Variants in NREP observed in about 807,000 individuals in gnomAD.
NREP encodes the protein neuronal regeneration related protein, also known as neuronal regeneration-related protein.
In NREP, 5 loss-of-function variants were observed where a neutral mutation model predicts 8.6. The observed-to-expected ratio is 0.58, with a 90% confidence interval of 0.30 to 1.22. NREP has a LOEUF of 1.22. Among genes scored for constraint, NREP ranks in the 50% most tolerant of loss-of-function variants. The probability of loss-of-function intolerance (pLI) is 0.07; values close to 1 mark genes in which losing one functional copy is unlikely to be tolerated. For missense variants in NREP, 86 were observed against 82.5 expected (o/e 1.04, Z -0.17); for synonymous variants, 27 against 28.0 (o/e 0.96, Z 0.11).
chr5:111,912,776 A>G (rs1754948692), intron 2 of NREP: 1 of 152,136 alleles, frequency 6.6e-6, no homozygotes, highest in Non-Finnish European at 1.5e-5. Context: ...TACCCAGTCC[A>G]GCCTTCTGCA....
At chr5:111,970,548 G>A (rs552111848) in intron 2 of NREP, among the ~76,000 whole-genome samples, 1 of 152,012 alleles carries the variant, frequency 6.6e-6, no homozygotes, top group Non-Finnish European at 1.5e-5. Flanking sequence ...TTACTGGGTC[G>A]GGCGTGGTGG....
At position 111,770,297 on chromosome 5, in the gene NREP, A is replaced by G. The variant is rs1284310480; in HGVS notation, c.136-34790T>C. Among the ~76,000 whole-genome samples, 8 of 148,084 alleles carry G rather than the reference A, an allele frequency of 5.4e-5. No homozygotes were observed. In the South Asian group the frequency reaches 1.0e-3, roughly 19 times the overall value. ...TGTTCAAGATATTGAGGTTTTATTGACTATTTCATAAATTAAATCAATATT... is the reference window on the plus strand; with the variant it reads ...TGTTCAAGATATTGAGGTTTTATTGGCTATTTCATAAATTAAATCAATATT... On this transcript the variant is annotated intron_variant, in intron 2 of 3. Coordinates refer to the NREP transcript ENST00000395634.
At chr5:111,743,662 G>T (rs984418753) in intron 2 of NREP, among the ~76,000 whole-genome samples, 18 of 152,146 alleles carry the variant, frequency 1.2e-4, no homozygotes, top group Non-Finnish European at 2.5e-4. Context: ...CCACAATTGA[G>T]AGTAAAAGCT....
chr5:111,745,575 C>G (rs1411019768), intron 2 of NREP, among the ~76,000 whole-genome samples: 2 of 152,114 alleles, frequency 1.3e-5, no homozygotes, highest in African/African-American at 4.8e-5. Context: ...TACCAATGGA[C>G]AATCTAATTC....
chr5:111,963,923 T>C (rs529689380), intron 2 of NREP, among the ~76,000 whole-genome samples: 2 of 152,342 alleles, frequency 1.3e-5, no homozygotes, highest in East Asian at 1.9e-4. Context: ...AAAAATTCTA[T>C]TGAAGTAATA....
At chr5:111,784,797 A>T (rs1024069432) in intron 2 of NREP, among the ~76,000 whole-genome samples, 28 of 152,196 alleles carry the variant, frequency 1.8e-4, no homozygotes, top group African/African-American at 6.5e-4. Flanking sequence ...ATGGATATTT[A>T]AAAACAGCAT....
At chr5:111,763,804 TTG>T (rs1254084206) in intron 2 of NREP, among the ~76,000 whole-genome samples, 1 of 152,248 alleles carries the variant, frequency 6.6e-6, no homozygotes, top group Non-Finnish European at 1.5e-5. Context: ...GCATGCTTAT[TTG>T]TGTTAACGAA....
intron 2 of NREP, among the ~76,000 whole-genome samples, chr5:111,846,940 C>A (rs11742651): frequency 0.048 from 7,315 of 152,110 alleles, 222 homozygotes; most frequent in Non-Finnish European, 0.065. Flanking sequence ...ATCAATCTAA[C>A]GTTTCATTAT....
chr5:111,744,145 C>A (rs551528183), intron 2 of NREP, among the ~76,000 whole-genome samples: 1 of 152,106 alleles, frequency 6.6e-6, no homozygotes, highest in Non-Finnish European at 1.5e-5. Flanking sequence ...CATTTTCCCC[C>A]GAAGTGCTCA....
intron 2 of NREP, among the ~76,000 whole-genome samples, chr5:111,816,643 A>G (rs1295085600): frequency 6.6e-6 from 1 of 151,902 alleles, no homozygotes; most frequent in Admixed American, 6.6e-5. Flanking sequence ...TAAGGGCATA[A>G]TAGAACACGA....
chr5:111,826,279 A>G (rs1402861346), intron 2 of NREP, among the ~76,000 whole-genome samples: 1 of 152,216 alleles, frequency 6.6e-6, no homozygotes, highest in Non-Finnish European at 1.5e-5. Flanking sequence ...TAATGGACCA[A>G]TCAGCAGGAT....
intron 2 of NREP, among the ~76,000 whole-genome samples, chr5:111,963,951 G>A (rs970666677): frequency 6.6e-6 from 1 of 152,144 alleles, no homozygotes; most frequent in African/African-American, 2.4e-5. Flanking sequence ...GCACATAGAA[G>A]AGCAATTAAA....
At chr5:111,829,217 C>T (rs944901650) in intron 2 of NREP, among the ~76,000 whole-genome samples, 9 of 152,246 alleles carry the variant, frequency 5.9e-5, no homozygotes, top group Admixed American at 1.3e-4. Flanking sequence ...CATTAAGCGG[C>T]ATGCTAAGGA....
At chr5:111,759,684 A>G (rs966793474), upstream of NREP, among the ~76,000 whole-genome samples, 17 of 152,186 alleles carry the variant, frequency 1.1e-4, no homozygotes, top group African/African-American at 4.1e-4. Flanking sequence ...TCCAAGAAAC[A>G]TTCTTGAGTC....
chr5:111,923,335 A>G (rs1755298311), intron 2 of NREP, among the ~76,000 whole-genome samples: 1 of 152,186 alleles, frequency 6.6e-6, no homozygotes, highest in Non-Finnish European at 1.5e-5. Flanking sequence ...AAGAGGGTCC[A>G]GTCTGGATTT....
At chr5:111,934,924 A>G (rs1487852339) in intron 2 of NREP, among the ~76,000 whole-genome samples, 2 of 146,328 alleles carry the variant, frequency 1.4e-5, no homozygotes, top group African/African-American at 4.9e-5. Flanking sequence ...TGCTTTGCCT[A>G]TGGGAGCTAC....
chr5:111,882,861 A>C (rs1347193711), intron 2 of NREP, among the ~76,000 whole-genome samples: 3 of 152,286 alleles, frequency 2.0e-5, no homozygotes, highest in Non-Finnish European at 4.4e-5. Context: ...GGTACCAGCC[A>C]CTGCAAAATC....
intron 2 of NREP, among the ~76,000 whole-genome samples, chr5:111,846,973 T>C (rs1753191803): frequency 6.6e-6 from 1 of 152,154 alleles, no homozygotes; most frequent in Non-Finnish European, 1.5e-5. Flanking sequence ...TGTCATAAAG[T>C]CAGTAAAAAA....
chr5:111,931,555 G>A (rs1240014801), intron 2 of NREP, among the ~76,000 whole-genome samples: 1 of 152,112 alleles, frequency 6.6e-6, no homozygotes, highest in Non-Finnish European at 1.5e-5. Context: ...CATCATAAGA[G>A]ACTTAGAACA....
Sources: allele counts gnomAD v4.1 joint callset (sites outside exome capture counted in the v4.1 genomes callset), GRCh38; gene constraint gnomAD v4.1.1; transcripts MANE v1.5; gene names NCBI Gene and HGNC (gene_info 2026-07-23, HGNC 2026-07-21).